The following ODAD2 variants were observed in gnomAD, a reference collection of about 807,000 sequenced individuals.
ODAD2 encodes the protein outer dynein arm-docking complex subunit 2.
Under a neutral mutation model 106.8 loss-of-function variants are expected in ODAD2, and 89 were observed. The observed-to-expected ratio is 0.83, with a 90% CI of 0.70 to 0.99. ODAD2 has a LOEUF of 0.99. Ranked by LOEUF, ODAD2 falls within the 50% of genes least tolerant of loss-of-function variation. The probability of loss-of-function intolerance (pLI) is 0.00; values close to 1 mark genes in which losing one functional copy is unlikely to be tolerated. For missense variants in ODAD2, 1,168 were observed against 1,238.5 expected, an observed-to-expected ratio of 0.94 and a Z score of 0.85; for synonymous variants, 404 against 436.2, an observed-to-expected ratio of 0.93 and a Z score of 0.92.
intron 19 of ODAD2, among the ~76,000 whole-genome samples, chr10:27,851,688 A>G (rs902293837): frequency 1.3e-5 from 2 of 152,208 alleles, no homozygotes; most frequent in Non-Finnish European, 2.9e-5. Context: ...ACGTTTACCT[A>G]TATTTTCACC....
chr10:27,848,920 G>A (rs1291625665), intron 19 of ODAD2, among the ~76,000 whole-genome samples: 1 of 152,194 alleles, frequency 6.6e-6, no homozygotes, highest in Non-Finnish European at 1.5e-5. Flanking sequence ...TGGAGAGGAT[G>A]TGGAGAAATA....
chr10:27,939,108 A>G (rs11006778), intron 14 of ODAD2, among the ~76,000 whole-genome samples: 61,968 of 151,730 alleles, frequency 0.41, 13,364 homozygotes, highest in Middle Eastern at 0.6. Context: ...GTAGATTACA[A>G]TAAGTAAACC....
chr10:27,973,097 C>A (rs933673228), intron 7 of ODAD2, among the ~76,000 whole-genome samples: 22 of 152,080 alleles, frequency 1.4e-4, no homozygotes, highest in African/African-American at 5.1e-4. Flanking sequence ...AAAGAAAGTT[C>A]TACAGAAACT....
At chr10:27,840,231 T>A (rs990642127) in intron 19 of ODAD2, among the ~76,000 whole-genome samples, 2 of 152,222 alleles carry the variant, frequency 1.3e-5, no homozygotes, top group African/African-American at 4.8e-5. Flanking sequence ...TTTACGTACA[T>A]CTTTAAAACA....
intron 19 of ODAD2, chr10:27,813,562 G>A (rs191454061): frequency 1.1e-4 from 16 of 152,246 alleles, no homozygotes; most frequent in Non-Finnish European, 1.9e-4. Context: ...AAGTAAATTT[G>A]AATCACATAT....
intron 17 of ODAD2, among the ~76,000 whole-genome samples, chr10:27,900,537 C>T (rs1843129577): frequency 1.3e-5 from 2 of 152,112 alleles, no homozygotes; most frequent in Non-Finnish European, 2.9e-5. Flanking sequence ...CATGTTCTAA[C>T]CCAAGGCAAG....
intron 17 of ODAD2, among the ~76,000 whole-genome samples, chr10:27,901,679 A>G (rs549857457): frequency 3.2e-4 from 48 of 152,336 alleles, no homozygotes; most frequent in African/African-American, 1.2e-3. Flanking sequence ...CTGATAAAAC[A>G]GACTTTAAAC....
chr10:27,915,703 A>T (rs1844320437), intron 16 of ODAD2, among the ~76,000 whole-genome samples: 1 of 152,140 alleles, frequency 6.6e-6, no homozygotes, highest in Admixed American at 6.6e-5. Context: ...GTCAACCTAG[A>T]CTTCTGTATC....
chr10:27,892,398 A>C (rs1436095800), intron 17 of ODAD2, among the ~76,000 whole-genome samples: 1 of 152,164 alleles, frequency 6.6e-6, no homozygotes, highest in African/African-American at 2.4e-5. Flanking sequence ...CTAAGTGAAG[A>C]TGCTTATTTC....
chr10:27,952,758 T>C (rs1281904431), intron 10 of ODAD2, among the ~76,000 whole-genome samples: 3 of 152,200 alleles, frequency 2.0e-5, no homozygotes, highest in African/African-American at 7.2e-5. Context: ...TTAACAGCTC[T>C]GGCTAATTTC....
chr10:27,956,616 C>A (rs963425922), intron 10 of ODAD2, among the ~76,000 whole-genome samples: 9 of 152,140 alleles, frequency 5.9e-5, no homozygotes, highest in African/African-American at 2.2e-4. Flanking sequence ...TCTGACATGC[C>A]TCTGAACTAC....
intron 16 of ODAD2, among the ~76,000 whole-genome samples, chr10:27,916,226 G>A (rs1564500177): frequency 6.6e-6 from 1 of 152,078 alleles, no homozygotes; most frequent in Non-Finnish European, 1.5e-5. Context: ...AGGGTGAGGA[G>A]GGCAGACATA....
At chr10:27,956,218 T>A (rs1294581183) in intron 10 of ODAD2, among the ~76,000 whole-genome samples, 1 of 152,154 alleles carries the variant, frequency 6.6e-6, no homozygotes, top group Admixed American at 6.5e-5. Flanking sequence ...TGTTTTCTCA[T>A]CCCTTCCTAT....
chr10:27,912,364 CA>C (rs1298520230), intron 16 of ODAD2, among the ~76,000 whole-genome samples: 1 of 152,070 alleles, frequency 6.6e-6, no homozygotes, highest in Non-Finnish European at 1.5e-5. Context: ...GGCAAAATAA[CA>C]GCTCTAGAAA....
Position 27,860,769 on chromosome 10 carries a change from G to A in ODAD2, c.2877C>T (p.Phe959=), listed in dbSNP as rs1379468567. The stretch of plus-strand genomic sequence containing the variant: ...GTGGAGCCACTGCTTTGTGCTCACC[G>A]AAGGCCACTCTATTCCTGCCCCACA... ...CCMWGRNRVA[F]GEHKAVAPLV... Residue 959 remains phenylalanine, a synonymous_variant, in exon 19 of 20, where the codon TTC becomes TTT. Coordinates refer to ENST00000305242, the MANE Select transcript of ODAD2 (RefSeq NM_018076.5). 35 of 1,613,998 alleles carry A rather than the reference G, an allele frequency of 2.2e-5. No homozygotes were observed. Among genetic ancestry groups the A allele is most frequent in the Middle Eastern group, 1.6e-4 (1 of 6,084 alleles).
chr10:27,958,158 C>T (rs1325706201), intron 10 of ODAD2, among the ~76,000 whole-genome samples: 1 of 152,110 alleles, frequency 6.6e-6, no homozygotes, highest in Non-Finnish European at 1.5e-5. Flanking sequence ...GAATTCCAAG[C>T]AATTTACTGT....
At chr10:27,982,024 G>C (rs572157723) in intron 6 of ODAD2, 1 of 152,608 alleles carries the variant, frequency 6.6e-6, no homozygotes, top group South Asian at 2.1e-4. Flanking sequence ...TCTGTCTGTG[G>C]CATGGTTGCT....
chr10:27,867,054 C>A lies in ODAD2; in HGVS notation c.2611-4432G>T, dbSNP rs74785929. 5.0e-3 allele frequency among the ~76,000 whole-genome samples: 758 copies of A among 152,132 alleles called. 4 individuals are homozygous for A. Among genetic ancestry groups the A allele is most frequent in the South Asian group, 0.016 (75 of 4,818 alleles). On this transcript the variant is annotated intron_variant, in intron 17 of 19. Transcript: ENST00000305242. ...GCAAAGTGTTTGAATCTCATTCTCC[C>A]TATGAAAACAGTGCAGATAGTAGAG...
At position 27,934,162 on chromosome 10, in the gene ODAD2, A is replaced by G. The variant is rs962140419; in HGVS notation, c.2495+848T>C. The stretch of plus-strand genomic sequence containing the variant: ...TTGCTCCTCCTTGCCTTCCACTATA[A>G]TTATGAGGCCTCCCAGCCATGTGGA... On this transcript the variant is annotated intron_variant, in intron 16 of 19. Transcript: ENST00000305242. Among the ~76,000 whole-genome samples, 3 of 152,188 alleles carry G rather than the reference A, an allele frequency of 2.0e-5. No homozygotes were observed. In the South Asian group the frequency reaches 6.2e-4, roughly 32 times the overall value.
Sources: allele counts gnomAD v4.1 joint callset (sites outside exome capture counted in the v4.1 genomes callset), GRCh38; gene constraint gnomAD v4.1.1; transcripts MANE v1.5; gene names NCBI Gene and HGNC (gene_info 2026-07-23, HGNC 2026-07-21).